Variants in SHANK2 observed in about 807,000 individuals in gnomAD.
SHANK2 encodes the protein SH3 and multiple ankyrin repeat domains 2.
In SHANK2, 43 loss-of-function variants were observed where a neutral mutation model predicts 133.7. The observed-to-expected ratio is 0.32, with a 90% CI of 0.25 to 0.41. The LOEUF (loss-of-function observed/expected upper bound fraction) is 0.41. SHANK2 is among the 10% of genes least tolerant of loss of function. The pLI, the probability that SHANK2 is intolerant of heterozygous loss-of-function variation, is 1.00. For synonymous variants in SHANK2, 1,017 were observed against 952.8 expected, an observed-to-expected ratio of 1.07 and a Z score of -1.24; for missense variants, 1,994 against 2,235.8, an observed-to-expected ratio of 0.89 and a Z score of 2.18.
intron 12 of SHANK2, among the ~76,000 whole-genome samples, chr11:70,811,166 A>C (rs1452192561): frequency 6.6e-6 from 1 of 152,130 alleles, no homozygotes; most frequent in Non-Finnish European, 1.5e-5. Context: ...GGTGGGTCAA[A>C]GTCTAGAGGA....
chr11:70,746,884 C>T (rs1288146626), intron 14 of SHANK2, among the ~76,000 whole-genome samples: 3 of 151,992 alleles, frequency 2.0e-5, no homozygotes, highest in African/African-American at 2.4e-5. Flanking sequence ...CTCTCTGCCA[C>T]AGCCCCTGGG....
intron 14 of SHANK2, among the ~76,000 whole-genome samples, chr11:70,754,579 C>G (rs1407881361): frequency 6.6e-6 from 1 of 152,226 alleles, no homozygotes; most frequent in African/African-American, 2.4e-5. Context: ...CCCCGGTGAG[C>G]TCGAGCAGAG....
chr11:71,090,625 C>CTGTGTG lies in SHANK2; in HGVS notation c.912+1791_912+1796dup, dbSNP rs782587800. On this transcript the variant is annotated intron_variant, in intron 8 of 25. Coordinates refer to ENST00000601538, the MANE Select transcript of SHANK2 (RefSeq NM_012309.5). ...AGGGTTCTCCAGAGAAACACAACCT[C>CTGTGTG]TGTGTGTGTGTGTGTGTGTGTGTGT... Among the ~76,000 whole-genome samples, 131 of 102,954 alleles carry CTGTGTG rather than the reference C, an allele frequency of 1.3e-3. 1 individual carries two copies. Among genetic ancestry groups the CTGTGTG allele is most frequent in the Middle Eastern group, 5.6e-3 (1 of 180 alleles). The allele number at this position is 102,954 out of a possible 152,430, so 67.5% of individuals were successfully genotyped here.
intron 17 of SHANK2, among the ~76,000 whole-genome samples, chr11:70,522,538 G>C (rs1234743766): frequency 6.6e-6 from 1 of 152,058 alleles, no homozygotes; most frequent in Admixed American, 6.6e-5. Flanking sequence ...TTCCTCCTTT[G>C]ACTAGAAAGC....
chr11:70,618,458 G>A (rs2060785977), intron 17 of SHANK2, among the ~76,000 whole-genome samples: 1 of 152,168 alleles, frequency 6.6e-6, no homozygotes, highest in South Asian at 2.1e-4. Context: ...ATCTGAGGAA[G>A]GAACGTTCTA....
chr11:70,721,229 C>T (rs568286038), intron 14 of SHANK2, among the ~76,000 whole-genome samples: 203 of 152,338 alleles, frequency 1.3e-3, no homozygotes, highest in African/African-American at 4.3e-3. Context: ...TCATTTCAGG[C>T]GCATCACACC....
chr11:70,954,832 G>A (rs190888234), intron 10 of SHANK2, among the ~76,000 whole-genome samples: 17 of 152,332 alleles, frequency 1.1e-4, no homozygotes, highest in South Asian at 6.2e-4. Context: ...AGTGTTAAGG[G>A]TTAAGGAAGA....
chr11:70,557,001 G>A (rs552363636), intron 17 of SHANK2, among the ~76,000 whole-genome samples: 9 of 152,290 alleles, frequency 5.9e-5, no homozygotes, highest in African/African-American at 2.2e-4. Context: ...TGGGATTATA[G>A]GCATGAGTCA....
intron 14 of SHANK2, among the ~76,000 whole-genome samples, chr11:70,755,316 C>A (rs1555038567): frequency 6.6e-6 from 1 of 152,228 alleles, no homozygotes; most frequent in Admixed American, 6.5e-5. Context: ...AGGTGATCCA[C>A]CTGCCTCGGC....
rs570956466 is a variant in SHANK2 at position 70,562,129 on chromosome 11, TC to T, written c.2062-59199del. Among the ~76,000 whole-genome samples the T allele has an allele frequency of 9.2e-5, 14 of 152,380 alleles. No homozygotes were observed. The East Asian group carries it at 2.7e-3, about 29-fold the overall frequency. ...TCTAGAGATCTTTCTCTTACTGGTTTCTAATACGATTCCGTTTTGGTTAGAG... is the reference window on the plus strand; with the variant it reads ...TCTAGAGATCTTTCTCTTACTGGTTTTAATACGATTCCGTTTTGGTTAGAG... On this transcript the variant is annotated intron_variant, in intron 17 of 25. Transcript: ENST00000601538.
intron 1 of SHANK2, among the ~76,000 whole-genome samples, chr11:71,249,787 G>T (rs1948145909): frequency 6.6e-6 from 1 of 152,206 alleles, no homozygotes; most frequent in South Asian, 2.1e-4. Flanking sequence ...ATTTTTAGGA[G>T]TGTGTTTCTG....
intron 12 of SHANK2, among the ~76,000 whole-genome samples, chr11:70,819,058 T>C (rs1555055137): frequency 6.6e-6 from 1 of 152,188 alleles, no homozygotes; most frequent in Non-Finnish European, 1.5e-5. Flanking sequence ...AGCCAGGCTC[T>C]GGACCCCGAG....
In SHANK2 at chr11:71,205,686, C is replaced by T. The variant is rs564051239; in HGVS notation, c.-13+19011G>A. On this transcript the variant is annotated intron_variant, in intron 2 of 25. Transcript: ENST00000601538. ...AGGAAAGTTCCAGAGAGGGGTAGGT[C>T]TGCTAATGCTCCCTCCCCAACACCT... Among the ~76,000 whole-genome samples the T allele has an allele frequency of 1.5e-4, 23 of 152,312 alleles. No individual in the cohort carries two copies. In the South Asian group the frequency reaches 4.8e-3, roughly 32 times the overall value.
intron 2 of SHANK2, among the ~76,000 whole-genome samples, chr11:71,222,486 G>A (rs1343097119): frequency 6.6e-6 from 1 of 152,202 alleles, no homozygotes; most frequent in East Asian, 1.9e-4. Context: ...GAGCTAAGAA[G>A]GGAGTTTCAG....
chr11:70,835,357 G>A (rs1948796869), intron 11 of SHANK2, among the ~76,000 whole-genome samples: 1 of 152,160 alleles, frequency 6.6e-6, no homozygotes, highest in Non-Finnish European at 1.5e-5. Context: ...GCCAGTTCTC[G>A]AGGACACAGG....
At chr11:71,146,971 G>A (rs1445773356) in intron 3 of SHANK2, 149 bp downstream of exon 3, 26 of 620,056 alleles carry the variant, frequency 4.2e-5, no homozygotes, top group South Asian at 2.5e-4. Flanking sequence ...CTGGGGGGAC[G>A]GGGGCAGAAG....
At chr11:70,927,025 A>T (rs1261474193) in intron 10 of SHANK2, among the ~76,000 whole-genome samples, 3 of 152,146 alleles carry the variant, frequency 2.0e-5, no homozygotes. Context: ...AAAGCCGGTG[A>T]TCAGAATCTC....
intron 2 of SHANK2, among the ~76,000 whole-genome samples, chr11:71,205,260 C>T (rs1024270673): frequency 3.9e-5 from 6 of 152,210 alleles, no homozygotes; most frequent in Admixed American, 6.5e-5. Context: ...GTCACCACCC[C>T]GCATCCAGCC....
At chr11:70,866,297 G>A (rs533045269) in intron 11 of SHANK2, among the ~76,000 whole-genome samples, 2 of 152,096 alleles carry the variant, frequency 1.3e-5, no homozygotes, top group Admixed American at 6.5e-5. Context: ...CGCACCCCGC[G>A]GCACCAAATG....
Sources: gnomAD v4.1 joint callset for allele counts (sites outside exome capture counted in the v4.1 genomes callset) on GRCh38, gnomAD v4.1.1 for gene constraint, MANE v1.5 for transcripts, NCBI Gene and HGNC (gene_info 2026-07-23, HGNC 2026-07-21) for gene names.